The following VWA1 variants were observed in gnomAD, a reference collection of about 807,000 sequenced individuals.
VWA1 encodes von Willebrand factor A domain containing 1, also known as von Willebrand factor A domain-containing protein 1.
In VWA1, 12 loss-of-function variants were observed where a neutral mutation model predicts 14.9. The observed-to-expected ratio is 0.80, with a 90% CI of 0.52 to 1.30. VWA1 has a LOEUF of 1.30. VWA1 is among the 50% of genes most tolerant of loss of function. The pLI, the probability that VWA1 is intolerant of heterozygous loss-of-function variation, is 0.00. For synonymous variants in VWA1, 368 were observed against 310.7 expected (o/e 1.18, Z -1.94); for missense variants, 800 against 649.1 (o/e 1.23, Z -2.53).
rs141948266 is a variant in VWA1, at chr1:1,438,299, G to A, written c.632-782G>A. ...GCCCCAGGTCACCCAGTGCAGCTGCGCCTGGAGGGGACCAGGAGGAAAGGC... is the reference window on the plus strand; with the variant it reads ...GCCCCAGGTCACCCAGTGCAGCTGCACCTGGAGGGGACCAGGAGGAAAGGC... On this transcript the variant is annotated intron_variant, in intron 2 of 2. Transcript: ENST00000476993. 1.7e-3 allele frequency among the ~76,000 whole-genome samples: 255 copies of A among 152,294 alleles called. 1 individual carries two copies. The highest frequency in any genetic ancestry group is 5.6e-3 in the African/African-American group (234 of 41,552).
rs1311686645 is a variant in VWA1, at chr1:1,442,701, C to G, written c.*2914C>G. The G allele has an allele frequency of 1.3e-5, 2 of 152,286 alleles. No individual in the cohort carries two copies. The highest frequency in any genetic ancestry group is 2.4e-5 in the African/African-American group (1 of 41,468). The allele number at this position is 152,286 out of a possible 1,614,324, so 9.4% of individuals were successfully genotyped here. The stretch of plus-strand genomic sequence containing the variant: ...TGAGCGATGACGGAGCAACAGCTCT[C>G]CAGCACGTGAAGCTCTCCAGACAGC... On this transcript the variant is annotated 3_prime_UTR_variant, in exon 3 of 3. Transcript: ENST00000476993.
Position 1,437,187 on chromosome 1 carries a change from C to CAG in VWA1, c.335_336insGA (p.His112GlnfsTer32). Reference sequence around the variant, plus strand: ...TTCTGCCCAGCGCATGGGTGACACCCACACTGGCCTGGCGCTGGTCTATGC... The same window carrying CAG: ...TTCTGCCCAGCGCATGGGTGACACCCAGACACTGGCCTGGCGCTGGTCTATGC... On this transcript the variant is annotated frameshift_variant, in exon 2 of 3. Transcript: ENST00000476993. LOFTEE classifies it high-confidence loss of function. 1.9e-6 allele frequency: 3 copies of CAG among 1,611,768 alleles called. No individual in the cohort carries two copies. Among genetic ancestry groups the CAG allele is most frequent in the Non-Finnish European group, 2.5e-6 (3 of 1,179,552 alleles).
At chr1:1,435,873 GCGCCGCTGCCCGCGCAAGGC>G in intron 1 of VWA1, 52 bp downstream of exon 1, 3 of 1,059,686 alleles carry the variant, frequency 2.8e-6, no homozygotes, top group Non-Finnish European at 3.4e-6. Flanking sequence ...TGACCGCTCT[GCGCCGCTGCCCGCGCAAGGC>G]CGTCGCTGTC....
In VWA1 at chr1:1,435,772, C is replaced by T; in HGVS notation, c.24C>T (p.Gly8=). The T allele has an allele frequency of 8.2e-7, 1 of 1,226,436 alleles. No homozygotes were observed. The allele number at this position is 1,226,436 out of a possible 1,614,324, so 76.0% of individuals were successfully genotyped here. The change falls in exon 1 of 3, where the codon GGC becomes GGT. Residue 8 remains glycine, a synonymous_variant. Transcript: ENST00000476993. The part of the protein sequence containing the change: MLPWTAL[G]LALSLRLALA... ...CGATGCTCCCCTGGACGGCGCTCGG[C>T]CTGGCCCTGAGCTTGCGGCTGGCGC...
In VWA1 at chr1:1,439,819, C is replaced by T. The variant is rs758071716; in HGVS notation, c.*32C>T. The T allele has an allele frequency of 9.4e-7, 1 of 1,063,314 alleles. No homozygotes were observed. The highest frequency in any genetic ancestry group is 1.1e-6 in the Non-Finnish European group (1 of 879,380). The allele number at this position is 1,063,314 out of a possible 1,614,324, so 65.9% of individuals were successfully genotyped here. A position where few individuals can be genotyped will look rare whatever the true frequency, so the allele number is the denominator to read the frequency against. ...GTCCCCGCCCAGCCGAGAGGGCCGG[C>T]GCCTACCTGAGGGCCCCTGTGTCCC... is the stretch of plus-strand genomic sequence containing the variant. On this transcript the variant is annotated 3_prime_UTR_variant, in exon 3 of 3. Coordinates refer to ENST00000476993, the MANE Select transcript of VWA1 (RefSeq NM_022834.5).
In VWA1 at chr1:1,435,803, CGGAG is replaced by C; in HGVS notation, c.56_59del (p.Arg19ProfsTer16). The stretch of plus-strand genomic sequence containing the variant: ...CCTGAGCTTGCGGCTGGCGCTGGCG[CGGAG>C]CGGCGCGGAGCGCGGTGAGTGCGGC... On this transcript the variant is annotated frameshift_variant, in exon 1 of 3. Coordinates refer to ENST00000476993, the MANE Select transcript of VWA1 (RefSeq NM_022834.5). LOFTEE classifies it high-confidence loss of function. 2.5e-6 allele frequency: 3 copies of C among 1,182,372 alleles called. No individual in the cohort carries two copies. The highest frequency in any genetic ancestry group is 2.5e-5 in the South Asian group (1 of 39,968). 73.2% of individuals were successfully genotyped at this position (1,182,372 alleles called of 1,614,324 possible). A position where few individuals can be genotyped will look rare whatever the true frequency, so the allele number is the denominator to read the frequency against.
Position 1,437,199 on chromosome 1 carries a change from G to T in VWA1, c.346G>T (p.Ala116Ser), listed in dbSNP as rs770459269. Reference sequence around the variant, plus strand: ...CATGGGTGACACCCACACTGGCCTGGCGCTGGTCTATGCCAAGGAACAGCT... The same window carrying T: ...CATGGGTGACACCCACACTGGCCTGTCGCTGGTCTATGCCAAGGAACAGCT... Reference protein sequence around the residue: ...QRMGDTHTGLALVYAKEQLFA... With the variant: ...QRMGDTHTGLSLVYAKEQLFA... Residue 116 changes from alanine (A) to serine (S), a missense_variant, in exon 2 of 3, where the codon GCG becomes TCG. By Grantham distance (99) the Ala-to-Ser change is moderately conservative. Transcript: ENST00000476993. 1 of 1,611,730 alleles carries T rather than the reference G, an allele frequency of 6.2e-7. No homozygotes were observed. The highest frequency in any genetic ancestry group is 1.1e-5 in the South Asian group (1 of 90,848).
At position 1,435,705 on chromosome 1, in the gene VWA1, A is replaced by T; in HGVS notation, c.-44A>T. The T allele has an allele frequency of 8.6e-7, 1 of 1,167,230 alleles. No individual in the cohort carries two copies. The highest frequency in any genetic ancestry group is 1.1e-6 in the Non-Finnish European group (1 of 941,962). 72.3% of individuals were successfully genotyped at this position (1,167,230 alleles called of 1,614,324 possible). On this transcript the variant is annotated 5_prime_UTR_variant, in exon 1 of 3. Coordinates refer to ENST00000476993, the MANE Select transcript of VWA1 (RefSeq NM_022834.5). ...CGCGCCCTGCAGCCCCGAGCGAGCGAGCGAGCGAGCGAGTTGCCGAGCGCG... is the reference window on the plus strand; with the variant it reads ...CGCGCCCTGCAGCCCCGAGCGAGCGTGCGAGCGAGCGAGTTGCCGAGCGCG...
chr1:1,439,347 C>T lies in VWA1; in HGVS notation c.898C>T (p.Arg300Cys), dbSNP rs1272887424. ...CCTGAGGCCCCAGATCCTGCGGGTG[C>T]GCACGCGGCCCGGTGAGGCAGGGCC... Reference protein sequence around the residue: ...RLLRPQILRVRTRPGEAGPGA... With the variant: ...RLLRPQILRVCTRPGEAGPGA... The change falls in exon 3 of 3, where the codon CGC (arginine) becomes TGC (cysteine). Residue 300 changes from arginine (R) to cysteine (C), a missense_variant. By Grantham distance (180) the Arg-to-Cys change is radical. Transcript: ENST00000476993. The T allele has an allele frequency of 3.9e-6, 6 of 1,557,036 alleles. No individual in the cohort carries two copies. The highest frequency in any genetic ancestry group is 2.7e-5 in the African/African-American group (2 of 73,374).
intron 2 of VWA1, among the ~76,000 whole-genome samples, chr1:1,438,428 G>A (rs1638589973): frequency 6.6e-6 from 1 of 152,180 alleles, no homozygotes; most frequent in Non-Finnish European, 1.5e-5. Flanking sequence ...GTGGGGGATG[G>A]GAAGAAAGTG....
In VWA1 at chr1:1,435,723, C is replaced by T. The variant is rs746212210; in HGVS notation, c.-26C>T. The T allele has an allele frequency of 8.4e-7, 1 of 1,195,222 alleles. No individual in the cohort carries two copies. Among genetic ancestry groups the T allele is most frequent in the South Asian group, 2.3e-5 (1 of 44,110 alleles). 74.0% of individuals were successfully genotyped at this position (1,195,222 alleles called of 1,614,324 possible). A position where few individuals can be genotyped will look rare whatever the true frequency, so the allele number is the denominator to read the frequency against. ...GCGAGCGAGCGAGCGAGCGAGTTGC[C>T]GAGCGCGCCCCGTCCCTCGCGCGCG... On this transcript the variant is annotated 5_prime_UTR_variant, in exon 1 of 3. Transcript: ENST00000476993.
chr1:1,436,847 G>A, intron 1 of VWA1, 80 bp from the exon 2 acceptor site: 1 of 1,439,392 alleles, frequency 6.9e-7, no homozygotes, highest in Non-Finnish European at 9.4e-7. Context: ...AGGAAAGCTG[G>A]GGCCCTGGGG....
Position 1,439,640 on chromosome 1 carries a change from C to T in VWA1, c.1191C>T (p.Thr397=), listed in dbSNP as rs1215471794. The T allele has an allele frequency of 4.5e-6, 6 of 1,324,330 alleles. No homozygotes were observed. In the Admixed American group the frequency reaches 9.9e-5, roughly 22 times the overall value. The allele number at this position is 1,324,330 out of a possible 1,614,324, so 82.0% of individuals were successfully genotyped here. A position where few individuals can be genotyped will look rare whatever the true frequency, so the allele number is the denominator to read the frequency against. The change falls in exon 3 of 3, where the codon ACC becomes ACT. Residue 397 remains threonine (T), a synonymous_variant. Coordinates refer to ENST00000476993, the MANE Select transcript of VWA1 (RefSeq NM_022834.5). ...CTTLQGLAPG[T]AYLVTVTAAF... is the part of the protein sequence containing the mutation. ...CGCTGCAGGGCCTGGCGCCGGGCAC[C>T]GCCTACCTGGTGACCGTGACCGCCG...
At chr1:1,437,529 G>A (rs749345721) in intron 2 of VWA1, 45 bp downstream of exon 2, 16 of 1,558,994 alleles carry the variant, frequency 1.0e-5, no homozygotes, top group African/African-American at 4.1e-5. Context: ...GCTGGGAGCC[G>A]CAGAAGGAGA....
Position 1,439,770 on chromosome 1 carries a change from G to T in VWA1, c.1321G>T (p.Ala441Ser). Residue 441 changes from alanine to serine, a missense_variant, in exon 3 of 3, where the codon GCC (alanine) becomes TCC (serine). Transcript: ENST00000476993. Reference protein sequence around the residue: ...PVPRAPTPGTASREP With the variant: ...PVPRAPTPGTSSREP ...GCCCCGCGCCCCGACCCCGGGGACC[G>T]CCAGCCGTGAGCCGTAAGCCGGCGT... The T allele has an allele frequency of 2.8e-6, 3 of 1,082,856 alleles. No individual in the cohort carries two copies. Among genetic ancestry groups the T allele is most frequent in the Non-Finnish European group, 3.4e-6 (3 of 893,542 alleles). The allele number at this position is 1,082,856 out of a possible 1,614,324, so 67.1% of individuals were successfully genotyped here.
rs1570125208 is a variant in VWA1 at position 1,439,338 on chromosome 1, C to T, written c.889C>T (p.Leu297=). Residue 297 remains leucine, a synonymous_variant, in exon 3 of 3, where the codon CTG becomes TTG. Transcript: ENST00000476993. ...SNVRLLRPQI[L]RVRTRPGEAG... is the part of the protein sequence containing the mutation. ...CGTGCGCCTCCTGAGGCCCCAGATC[C>T]TGCGGGTGCGCACGCGGCCCGGTGA... is the stretch of plus-strand genomic sequence containing the variant. 1.3e-6 allele frequency: 2 copies of T among 1,572,192 alleles called. No individual in the cohort carries two copies. Among genetic ancestry groups the T allele is most frequent in the Non-Finnish European group, 8.6e-7 (1 of 1,165,626 alleles).
At position 1,440,980 on chromosome 1, in the gene VWA1, G is replaced by T. The variant is rs1368448697; in HGVS notation, c.*1193G>T. ...TGGGCCCAGGGCAGGTGGCTGGAATGCAGAGGACAAGGGGGCTGGGGCCTC... is the reference window on the plus strand; with the variant it reads ...TGGGCCCAGGGCAGGTGGCTGGAATTCAGAGGACAAGGGGGCTGGGGCCTC... On this transcript the variant is annotated 3_prime_UTR_variant, in exon 3 of 3. Transcript: ENST00000476993. 5 of 152,114 alleles carry T rather than the reference G, an allele frequency of 3.3e-5. No homozygotes were observed. The highest frequency in any genetic ancestry group is 7.3e-5 in the Non-Finnish European group (5 of 68,036). 9.4% of individuals were successfully genotyped at this position (152,114 alleles called of 1,614,324 possible). A position where few individuals can be genotyped will look rare whatever the true frequency, so the allele number is the denominator to read the frequency against.
intron 2 of VWA1, among the ~76,000 whole-genome samples, chr1:1,438,863 G>T (rs771943021): frequency 6.6e-6 from 1 of 152,220 alleles, no homozygotes; most frequent in Non-Finnish European, 1.5e-5. Flanking sequence ...GACAGGGCCT[G>T]AGGGGGCTGC....
chr1:1,441,771 G>T lies in VWA1; in HGVS notation c.*1984G>T, dbSNP rs35564873. ...ACGGAGCACCCTGCAGGTGGCAGCGGGGCACCAGGGGCTCATTCCTGGTGG... is the reference window on the plus strand; with the variant it reads ...ACGGAGCACCCTGCAGGTGGCAGCGTGGCACCAGGGGCTCATTCCTGGTGG... On this transcript the variant is annotated 3_prime_UTR_variant, in exon 3 of 3. Transcript: ENST00000476993. 3,441 of 152,396 alleles carry T rather than the reference G, an allele frequency of 0.023. 63 individuals are homozygous for T. Among genetic ancestry groups the T allele is most frequent in the Non-Finnish European group, 0.034 (2,345 of 68,060 alleles). The allele number at this position is 152,396 out of a possible 1,614,324, so 9.4% of individuals were successfully genotyped here.
Sources: gnomAD v4.1 joint callset for allele counts (sites outside exome capture counted in the v4.1 genomes callset) on GRCh38, gnomAD v4.1.1 for gene constraint, MANE v1.5 for transcripts, NCBI Gene and HGNC (gene_info 2026-07-23, HGNC 2026-07-21) for gene names.